VANGL2: variants seen among roughly 807,000 people sequenced by gnomAD.
VANGL2 encodes the protein vang-like protein 2.
VANGL2 carries 14 observed loss-of-function variants against 50.2 expected under a neutral mutation model. The observed-to-expected ratio is 0.28, with a 90% CI of 0.18 to 0.44. VANGL2 has a LOEUF of 0.44. Ranked by LOEUF, VANGL2 falls within the 20% of genes least tolerant of loss-of-function variation. VANGL2 has a pLI of 1.00. For missense variants in VANGL2, 533 were observed against 701.5 expected (o/e 0.76, Z 2.71); for synonymous variants, 295 against 297.2 (o/e 0.99, Z 0.08).
chr1:160,407,500 C>G (rs1017820621), intron 1 of VANGL2, among the ~76,000 whole-genome samples: 1 of 152,182 alleles, frequency 6.6e-6, no homozygotes, highest in East Asian at 1.9e-4. Flanking sequence ...CCTCACAGCT[C>G]AACTCTCCCC....
rs746031069 is a variant in VANGL2, at chr1:160,419,122, C to T, written c.313C>T (p.Arg105Cys). The T allele has an allele frequency of 2.1e-5, 34 of 1,614,108 alleles. No homozygotes were observed. The highest frequency in any genetic ancestry group is 6.6e-5 in the South Asian group (6 of 91,090). Residue 105 changes from arginine (R) to cysteine (C), a missense_variant, in exon 4 of 8, where the codon CGT (arginine) becomes TGT (cysteine). Transcript: ENST00000368061. This position sits in a 1 kb window ranked among gnomAD's most constrained non-coding sequence, Gnocchi z 5.8. ...MEDSVPLDCS[R>C]HLGVAAGATL... ...GGACAGTGTCCCTCTGGACTGCTCC[C>T]GTCACCTGGGTGTGGCAGCGGGGGC...
intron 7 of VANGL2, 136 bp from the exon 8 acceptor site, chr1:160,424,982 C>T: frequency 5.6e-6 from 7 of 1,246,750 alleles, no homozygotes; most frequent in Non-Finnish European, 8.1e-6. Flanking sequence ...CCTGCTGTAA[C>T]ATTCTGAGGT....
intron 1 of VANGL2, among the ~76,000 whole-genome samples, chr1:160,413,051 T>G (rs113141709): frequency 0.013 from 1,984 of 152,238 alleles, 48 homozygotes; most frequent in African/African-American, 0.045. Flanking sequence ...GTAGGTACAT[T>G]CTATGATGTT....
intron 1 of VANGL2, among the ~76,000 whole-genome samples, chr1:160,412,811 A>T (rs187868278): frequency 6.6e-6 from 1 of 152,344 alleles, no homozygotes; most frequent in East Asian, 1.9e-4. Flanking sequence ...GCATACAGTC[A>T]TGGATGTTTT....
At chr1:160,420,302 C>T in intron 4 of VANGL2, 109 bp from the exon 5 acceptor site, 1 of 1,441,166 alleles carries the variant, frequency 6.9e-7, no homozygotes, top group Non-Finnish European at 9.7e-7. Context: ...AGCAGCTTGT[C>T]CCTGTCCTGT....
chr1:160,419,482 G>A lies in VANGL2; in HGVS notation c.673G>A (p.Ala225Thr), dbSNP rs763478152. 10 of 1,606,328 alleles carry A rather than the reference G, an allele frequency of 6.2e-6. No homozygotes were observed. The highest frequency in any genetic ancestry group is 4.5e-5 in the East Asian group (2 of 44,882). Residue 225 changes from alanine to threonine, a missense_variant, in exon 4 of 8, where the codon GCC becomes ACC. By Grantham distance (58) the Ala-to-Thr change is moderately conservative (BLOSUM62 0). Transcript: ENST00000368061. This position sits in a 1 kb window ranked among gnomAD's most constrained non-coding sequence, Gnocchi z 5.8. ...VVQFAVSLVDALLFVHYLAVV... is the reference protein window; with the variant it reads ...VVQFAVSLVDTLLFVHYLAVV... Reference sequence around the variant, plus strand: ...GCAGTTCGCCGTGTCGCTGGTGGACGCCCTTCTTTTCGTGCACTACCTGGC... The same window carrying A: ...GCAGTTCGCCGTGTCGCTGGTGGACACCCTTCTTTTCGTGCACTACCTGGC...
At chr1:160,424,906 C>A (rs1651398542) in intron 7 of VANGL2, among the ~76,000 whole-genome samples, 1 of 152,200 alleles carries the variant, frequency 6.6e-6, no homozygotes, top group Middle Eastern at 3.4e-3. Context: ...GAGCCACATC[C>A]CCCTGTGCAC....
chr1:160,409,117 A>G (rs1650788240), intron 1 of VANGL2, among the ~76,000 whole-genome samples: 2 of 152,220 alleles, frequency 1.3e-5, no homozygotes, highest in Admixed American at 1.3e-4. Context: ...AGGGGGCAGG[A>G]CGGAGTCAGC....
chr1:160,418,961 CT>C lies in VANGL2; in HGVS notation c.193-38del, dbSNP rs1022710904. 2.5e-6 allele frequency: 4 copies of C among 1,579,636 alleles called. No individual in the cohort carries two copies. In the African/African-American group the frequency reaches 5.4e-5, roughly 21 times the overall value. ...TTTCCCTCCTCTTCCTCTTCTTATCCTTTCCTCCTTATTGTGTGGCTGGCCC... is the reference window on the plus strand; with the variant it reads ...TTTCCCTCCTCTTCCTCTTCTTATCCTTCCTCCTTATTGTGTGGCTGGCCC... On this transcript the variant is annotated intron_variant, in intron 3 of 7. Coordinates refer to ENST00000368061, the MANE Select transcript of VANGL2 (RefSeq NM_020335.3).
chr1:160,402,216 AT>A (rs1200908749), intron 1 of VANGL2, among the ~76,000 whole-genome samples: 3 of 152,058 alleles, frequency 2.0e-5, no homozygotes, highest in Admixed American at 6.6e-5. Flanking sequence ...AATTTGGAAG[AT>A]TGGCGGGGTC....
At chr1:160,412,579 C>G (rs1236203992) in intron 1 of VANGL2, among the ~76,000 whole-genome samples, 1 of 152,084 alleles carries the variant, frequency 6.6e-6, no homozygotes, top group African/African-American at 2.4e-5. Context: ...GTCATTTTTG[C>G]TGCAAAGTTT....
Position 160,419,403 on chromosome 1 carries a change from C to T in VANGL2, c.594C>T (p.Leu198=), listed in dbSNP as rs955907459. ...TCCTGCTCGTGGTCTCCTACTGGCT[C>T]TTCTATGGTGTGCGCATCCTGGATG... The part of the protein sequence containing the change: ...LVFLLVVSYW[L]FYGVRILDAR... The change falls in exon 4 of 8, where the codon CTC becomes CTT. Residue 198 remains leucine (L), a synonymous_variant. Transcript: ENST00000368061. This position sits in a 1 kb window ranked among gnomAD's most constrained non-coding sequence, Gnocchi z 5.8. 1.2e-6 allele frequency: 2 copies of T among 1,612,422 alleles called. No individual in the cohort carries two copies. Among genetic ancestry groups the T allele is most frequent in the Non-Finnish European group, 8.5e-7 (1 of 1,180,026 alleles).
In VANGL2 at chr1:160,424,987, T is replaced by C; in HGVS notation, c.1306-131T>C. 4 of 1,288,900 alleles carry C rather than the reference T, an allele frequency of 3.1e-6. No homozygotes were observed. In the South Asian group the frequency reaches 3.7e-5, roughly 12 times the overall value. 79.8% of individuals were successfully genotyped at this position (1,288,900 alleles called of 1,614,324 possible). A position where few individuals can be genotyped will look rare whatever the true frequency, so the allele number is the denominator to read the frequency against. On this transcript the variant is annotated intron_variant, in intron 7 of 7. Transcript: ENST00000368061. ...CAGGCCCCTTCCTGCTGTAACATTC[T>C]GAGGTTCTAGTTCATATGCATAGAG...
intron 1 of VANGL2, among the ~76,000 whole-genome samples, chr1:160,403,642 C>A (rs1192655364): frequency 2.1e-5 from 3 of 143,374 alleles, no homozygotes; most frequent in Non-Finnish European, 4.6e-5. Flanking sequence ...AGGAAGAGAT[C>A]TGATCCCCTC....
chr1:160,420,588 A>G (rs753415142), intron 5 of VANGL2, 41 bp downstream of exon 5: 1 of 1,613,750 alleles, frequency 6.2e-7, no homozygotes. Flanking sequence ...GTCTCTTCCC[A>G]AGCAGGACTC....
Position 160,419,654 on chromosome 1 carries a change from G to A in VANGL2, c.800+45G>A, listed in dbSNP as rs1651198583. 6.3e-7 allele frequency: 1 copy of A among 1,590,956 alleles called. No individual in the cohort carries two copies. The highest frequency in any genetic ancestry group is 8.5e-7 in the Non-Finnish European group (1 of 1,176,888). On this transcript the variant is annotated intron_variant, in intron 4 of 7. Transcript: ENST00000368061. This position sits in a 1 kb window ranked among gnomAD's most constrained non-coding sequence, Gnocchi z 5.8. ...GAAGGGTTGGGAGGGAAAGGGCATG[G>A]GAGGATGTGGAGTGACTGCTAGGGT...
chr1:160,420,032 T>C (rs995802015), intron 4 of VANGL2, among the ~76,000 whole-genome samples: 1 of 151,732 alleles, frequency 6.6e-6, no homozygotes. Flanking sequence ...GAGAAAGAGA[T>C]AAGGAGGAGA....
intron 3 of VANGL2, among the ~76,000 whole-genome samples, chr1:160,418,350 C>G (rs773718874): frequency 3.9e-5 from 6 of 152,126 alleles, no homozygotes; most frequent in Non-Finnish European, 7.3e-5. Context: ...GATGTCCACA[C>G]CGCTGGTCCA....
At chr1:160,420,622 C>G in intron 5 of VANGL2, 75 bp downstream of exon 5, 2 of 1,607,924 alleles carry the variant, frequency 1.2e-6, no homozygotes, top group South Asian at 1.1e-5. Context: ...CTCTTTTACC[C>G]TTTGTCCCTT....
Sources: gnomAD v4.1 joint callset for allele counts (sites outside exome capture counted in the v4.1 genomes callset) on GRCh38, gnomAD v4.1.1 for gene constraint, Gnocchi (gnomAD v3.1) non-coding constraint, MANE v1.5 for transcripts, NCBI Gene and HGNC (gene_info 2026-07-23, HGNC 2026-07-21) for gene names.